CEP41: variants seen among roughly 807,000 people sequenced by gnomAD.
The protein encoded by CEP41 is centrosomal protein of 41 kDa.
CEP41 carries 32 observed loss-of-function variants against 44.3 expected under a neutral mutation model. The ratio of observed to expected loss-of-function variants is 0.72; its 90% CI spans 0.54 to 0.97. The LOEUF is 0.97. Ranked by LOEUF, CEP41 falls within the 50% of genes least tolerant of loss-of-function variation. The probability of loss-of-function intolerance (pLI) is 0.00; values close to 1 mark genes in which losing one functional copy is unlikely to be tolerated. For missense variants in CEP41, 432 were observed against 455.2 expected (o/e 0.95, Z 0.46); for synonymous variants, 151 against 168.5 (o/e 0.90, Z 0.80).
In CEP41 at chr7:130,393,989, C is replaced by A. The variant is rs1554413431; in HGVS notation, c.*4902G>T. Reference sequence around the variant, plus strand: ...CGGTGGAAATGTGGAAATACGCATTCCCCAGAGCAGATGTTTCAGTTCCTG... The same window carrying A: ...CGGTGGAAATGTGGAAATACGCATTACCCAGAGCAGATGTTTCAGTTCCTG... On this transcript the variant is annotated 3_prime_UTR_variant, in exon 11 of 11. Transcript: ENST00000223208. 1 of 453,952 alleles carries A rather than the reference C, an allele frequency of 2.2e-6. No homozygotes were observed. The highest frequency in any genetic ancestry group is 4.4e-6 in the Non-Finnish European group (1 of 226,798). 28.1% of individuals were successfully genotyped at this position (453,952 alleles called of 1,614,324 possible).
chr7:130,423,454 A>G (rs896135229), intron 2 of CEP41, among the ~76,000 whole-genome samples: 25 of 152,350 alleles, frequency 1.6e-4, no homozygotes, highest in African/African-American at 4.6e-4. Flanking sequence ...GGTAATCAAA[A>G]CGATGAACAA....
chr7:130,441,189 C>T, upstream of CEP41: 1 of 662,026 alleles, frequency 1.5e-6, no homozygotes, highest in Non-Finnish European at 2.8e-6. Context: ...GGGACGCCGG[C>T]TAGCGAGGCC....
intron 1 of CEP41, among the ~76,000 whole-genome samples, chr7:130,428,591 T>G (rs998465892): frequency 6.7e-6 from 1 of 149,370 alleles, no homozygotes; most frequent in East Asian, 2.0e-4. Context: ...GCACACTACC[T>G]GATAAGAAAA....
At chr7:130,401,191 T>C (rs938829962) in intron 8 of CEP41, 1 of 231,228 alleles carries the variant, frequency 4.3e-6, no homozygotes, top group South Asian at 6.4e-5. Context: ...TTTATGACAG[T>C]AAAAATGTGG....
At chr7:130,424,762 GA>G (rs1210633264) in intron 2 of CEP41, among the ~76,000 whole-genome samples, 8 of 151,002 alleles carry the variant, frequency 5.3e-5, no homozygotes, top group African/African-American at 9.7e-5. Context: ...AATCATGGTA[GA>G]AAAAAAAATC....
chr7:130,427,803 A>G, intron 2 of CEP41, 152 bp downstream of exon 2: 1 of 595,114 alleles, frequency 1.7e-6, no homozygotes. Flanking sequence ...TCTGAAAAAC[A>G]TCTTTCAAGG....
chr7:130,399,774 C>T, intron 10 of CEP41: 1 of 393,008 alleles, frequency 2.5e-6, no homozygotes, highest in Non-Finnish European at 4.8e-6. Context: ...GAGCCAAGAT[C>T]ATCCCATTGC....
At chr7:130,420,951 A>G (rs1337310203) in intron 2 of CEP41, 1 of 982,764 alleles carries the variant, frequency 1.0e-6, no homozygotes, top group Admixed American at 6.1e-5. Flanking sequence ...TGACTTATAT[A>G]CAGTATATGT....
At chr7:130,434,622 T>C (rs1320951504) in intron 1 of CEP41, among the ~76,000 whole-genome samples, 1 of 152,210 alleles carries the variant, frequency 6.6e-6, no homozygotes, top group Non-Finnish European at 1.5e-5. Flanking sequence ...ATAGGTAAAG[T>C]AATAAACTGG....
chr7:130,411,329 C>G, intron 4 of CEP41, 138 bp from the exon 5 acceptor site: 1 of 726,938 alleles, frequency 1.4e-6, no homozygotes, highest in Non-Finnish European at 2.5e-6. Flanking sequence ...CTCAACTGAA[C>G]GCTGAATCTC....
chr7:130,438,790 T>C (rs1798052493), intron 1 of CEP41, among the ~76,000 whole-genome samples: 2 of 152,162 alleles, frequency 1.3e-5, no homozygotes, highest in African/African-American at 4.8e-5. Flanking sequence ...ACCCCCATGA[T>C]ACACAATATT....
At chr7:130,438,055 C>T (rs563760712) in intron 1 of CEP41, among the ~76,000 whole-genome samples, 1 of 152,174 alleles carries the variant, frequency 6.6e-6, no homozygotes, top group South Asian at 2.1e-4. Flanking sequence ...TCTTCCCCCA[C>T]ACTCCTAAAA....
intron 1 of CEP41, among the ~76,000 whole-genome samples, chr7:130,434,089 T>G (rs1797897436): frequency 1.3e-5 from 2 of 152,200 alleles, no homozygotes; most frequent in Admixed American, 1.3e-4. Flanking sequence ...GTATTCCAAG[T>G]GGAGAAATTT....
intron 5 of CEP41, among the ~76,000 whole-genome samples, chr7:130,410,526 T>C (rs34107403): frequency 0.32 from 48,379 of 152,112 alleles, 7,828 homozygotes; most frequent in Middle Eastern, 0.42. Flanking sequence ...GCTGTATCAC[T>C]TTGAGGAGGC....
rs1164842518 is a variant in CEP41 at position 130,440,990 on chromosome 7, G to A, written c.-24C>T. 2 of 1,612,276 alleles carry A rather than the reference G, an allele frequency of 1.2e-6. No homozygotes were observed. Among genetic ancestry groups the A allele is most frequent in the Non-Finnish European group, 1.7e-6 (2 of 1,179,938 alleles). Reference sequence around the variant, plus strand: ...ATATTTTCTCCAACCGACCACGTTCGGGGTTCTAGCCTCACGGGTTGCCTC... The same window carrying A: ...ATATTTTCTCCAACCGACCACGTTCAGGGTTCTAGCCTCACGGGTTGCCTC... On this transcript the variant is annotated 5_prime_UTR_variant, in exon 1 of 11. Coordinates refer to ENST00000223208, the MANE Select transcript of CEP41 (RefSeq NM_018718.3).
rs1554414697 is a variant in CEP41 at position 130,396,668 on chromosome 7, A to G, written c.*2223T>C. 2.2e-6 allele frequency: 1 copy of G among 454,616 alleles called. No homozygotes were observed. The highest frequency in any genetic ancestry group is 4.4e-6 in the Non-Finnish European group (1 of 226,802). The allele number at this position is 454,616 out of a possible 1,614,324, so 28.2% of individuals were successfully genotyped here. A position where few individuals can be genotyped will look rare whatever the true frequency, so the allele number is the denominator to read the frequency against. On this transcript the variant is annotated 3_prime_UTR_variant, in exon 11 of 11. Transcript: ENST00000223208. Reference sequence around the variant, plus strand: ...GTTAAAAGCAATACCTCGAGCACGTAAAGAATGTTTGATATTAACACTTAA... The same window carrying G: ...GTTAAAAGCAATACCTCGAGCACGTGAAGAATGTTTGATATTAACACTTAA...
At position 130,411,131 on chromosome 7, in the gene CEP41, T is replaced by A; in HGVS notation, c.268A>T (p.Arg90Trp). ...CCTCAATTCTCATTACCTTCCAGCC[T>A]TTGAATCTCCTCAGCTGTCACTTCC... ...TLEVTAEEIQ[R>W]LEDNDSAASD... Residue 90 changes from arginine (R) to tryptophan (W), a missense_variant, in exon 5 of 11, where the codon AGG becomes TGG. By Grantham distance (101) the Arg-to-Trp change is moderately radical. Transcript: ENST00000223208. The A allele has an allele frequency of 6.2e-7, 1 of 1,613,992 alleles. No homozygotes were observed. The highest frequency in any genetic ancestry group is 8.5e-7 in the Non-Finnish European group (1 of 1,179,842).
intron 1 of CEP41, among the ~76,000 whole-genome samples, chr7:130,428,328 G>A (rs1420573596): frequency 2.0e-5 from 3 of 149,506 alleles, no homozygotes; most frequent in Non-Finnish European, 4.4e-5. Context: ...GGAGGCCGAG[G>A]CAGGAGAATC....
At chr7:130,432,877 A>G (rs1554425402) in intron 1 of CEP41, among the ~76,000 whole-genome samples, 1 of 152,236 alleles carries the variant, frequency 6.6e-6, no homozygotes, top group East Asian at 1.9e-4. Flanking sequence ...TACAGGCAGC[A>G]GAGGAAGCCA....
Sources: allele counts gnomAD v4.1 joint callset (sites outside exome capture counted in the v4.1 genomes callset), GRCh38; gene constraint gnomAD v4.1.1; transcripts MANE v1.5; gene names NCBI Gene and HGNC (gene_info 2026-07-23, HGNC 2026-07-21).